Variants in EXOC4 observed in about 807,000 individuals in gnomAD.
EXOC4 encodes SEC8-like 1.
Under a neutral mutation model 107.2 loss-of-function variants are expected in EXOC4, and 71 were observed. The ratio of observed to expected loss-of-function variants is 0.66; its 90% confidence interval spans 0.55 to 0.81. EXOC4 has a LOEUF of 0.81. Ranked by LOEUF, EXOC4 falls within the 30% of genes least tolerant of loss-of-function variation. EXOC4 has a pLI of 0.00. For missense variants in EXOC4, 1,108 were observed against 1,189.6 expected (o/e 0.93, Z 1.01); for synonymous variants, 456 against 441.2 (o/e 1.03, Z -0.42).
At chr7:133,716,073 A>G (rs1205011004) in intron 10 of EXOC4, among the ~76,000 whole-genome samples, 4 of 152,340 alleles carry the variant, frequency 2.6e-5, no homozygotes, top group African/African-American at 9.6e-5. Context: ...TTAAATTATT[A>G]AAGTCAAATA....
chr7:134,056,626 T>C (rs1795931135), intron 17 of EXOC4, among the ~76,000 whole-genome samples: 1 of 152,252 alleles, frequency 6.6e-6, no homozygotes, highest in Admixed American at 6.5e-5. Context: ...TTAATTGTAC[T>C]GAATTTAAAA....
chr7:133,924,857 A>G (rs1800016381), intron 13 of EXOC4, among the ~76,000 whole-genome samples: 1 of 152,242 alleles, frequency 6.6e-6, no homozygotes, highest in African/African-American at 2.4e-5. Context: ...TTTTGCATGT[A>G]GAGATGGCTT....
At chr7:133,648,017 G>T (rs1327902078) in intron 10 of EXOC4, among the ~76,000 whole-genome samples, 1 of 152,150 alleles carries the variant, frequency 6.6e-6, no homozygotes, top group Non-Finnish European at 1.5e-5. Flanking sequence ...TAAGAATCTA[G>T]AAATAGTTGG....
intron 11 of EXOC4, among the ~76,000 whole-genome samples, chr7:133,884,696 AT>A (rs1224026640): frequency 6.6e-6 from 1 of 151,836 alleles, no homozygotes; most frequent in Admixed American, 6.6e-5. Flanking sequence ...AGAACCTTAG[AT>A]TCTTAGCAGC....
chr7:133,476,252 G>T (rs773032128), intron 8 of EXOC4, among the ~76,000 whole-genome samples: 11 of 152,034 alleles, frequency 7.2e-5, no homozygotes, highest in Non-Finnish European at 1.3e-4. Flanking sequence ...TTATAGGCAA[G>T]GGTTGTATTT....
intron 13 of EXOC4, among the ~76,000 whole-genome samples, chr7:133,922,265 G>A (rs909566592): frequency 1.3e-5 from 2 of 152,108 alleles, no homozygotes; most frequent in African/African-American, 4.8e-5. Flanking sequence ...CAGAACTTTA[G>A]CAATAAGAAC....
At chr7:133,955,418 T>A (rs1325957491) in intron 14 of EXOC4, among the ~76,000 whole-genome samples, 4 of 152,136 alleles carry the variant, frequency 2.6e-5, no homozygotes, top group African/African-American at 9.7e-5. Flanking sequence ...CTGGAGTGGG[T>A]AGCTCCTCTC....
At chr7:133,629,639 C>T (rs1802540833) in intron 9 of EXOC4, among the ~76,000 whole-genome samples, 1 of 152,024 alleles carries the variant, frequency 6.6e-6, no homozygotes, top group Admixed American at 6.6e-5. Flanking sequence ...CTCCCAGGTT[C>T]AAGCAATTCT....
At chr7:134,038,171 G>A (rs779513545) in intron 17 of EXOC4, among the ~76,000 whole-genome samples, 2 of 152,194 alleles carry the variant, frequency 1.3e-5, no homozygotes, top group Non-Finnish European at 2.9e-5. Flanking sequence ...AGCATATCTG[G>A]CAGATGGGAA....
intron 7 of EXOC4, among the ~76,000 whole-genome samples, chr7:133,379,149 C>T (rs990236979): frequency 2.0e-5 from 3 of 152,062 alleles, no homozygotes; most frequent in Admixed American, 2.0e-4. Flanking sequence ...TATGGACACA[C>T]ACATGCATTT....
intron 11 of EXOC4, among the ~76,000 whole-genome samples, chr7:133,833,078 A>G (rs1028995477): frequency 6.6e-6 from 1 of 152,156 alleles, no homozygotes; most frequent in Non-Finnish European, 1.5e-5. Context: ...ACACACACAT[A>G]CACACCCCAA....
chr7:133,275,079 A>G lies in EXOC4; in HGVS notation c.184A>G (p.Ile62Val). 1.9e-6 allele frequency: 3 copies of G among 1,613,908 alleles called. No homozygotes were observed. Among genetic ancestry groups the G allele is most frequent in the South Asian group, 1.1e-5 (1 of 91,054 alleles). Residue 62 changes from isoleucine to valine, a missense_variant, in exon 2 of 18, where the codon ATT (isoleucine) becomes GTT (valine). Physicochemically the swap from Ile to Val is conservative, Grantham distance 29 (BLOSUM62 3). Coordinates refer to ENST00000253861, the MANE Select transcript of EXOC4 (RefSeq NM_021807.4). ...EKCDRDLDEL[I>V]VQHYTELTTA... is the part of the protein sequence containing the mutation. ...ATGTGACCGTGACCTGGATGAATTG[A>G]TTGTACAGCACTACACAGAATTGAC...
Position 133,976,179 on chromosome 7 carries a change from C to T in EXOC4, c.2207-21313C>T, listed in dbSNP as rs369771796. ...AATGCAGTGTGTGGCTATGTTTAGGCACAAAGAGAACATCAAACAGATAGG... is the reference window on the plus strand; with the variant it reads ...AATGCAGTGTGTGGCTATGTTTAGGTACAAAGAGAACATCAAACAGATAGG... On this transcript the variant is annotated intron_variant, in intron 14 of 17. Transcript: ENST00000253861. Among the ~76,000 whole-genome samples, 38 of 152,176 alleles carry T rather than the reference C, an allele frequency of 2.5e-4. No homozygotes were observed. In the East Asian group the frequency reaches 3.1e-3, roughly 12 times the overall value.
chr7:133,846,053 C>A (rs73724787), intron 11 of EXOC4, among the ~76,000 whole-genome samples: 19,373 of 151,538 alleles, frequency 0.13, 1,802 homozygotes, highest in African/African-American at 0.26. Flanking sequence ...TTATACCCCC[C>A]AAAAAAAAGT....
At chr7:133,749,663 G>A (rs1795749976) in intron 10 of EXOC4, among the ~76,000 whole-genome samples, 1 of 152,108 alleles carries the variant, frequency 6.6e-6, no homozygotes. Context: ...TAAAGTGCTG[G>A]GATTACAGGC....
intron 5 of EXOC4, among the ~76,000 whole-genome samples, chr7:133,345,121 G>A (rs927777149): frequency 1.3e-5 from 2 of 152,128 alleles, no homozygotes; most frequent in African/African-American, 4.8e-5. Context: ...TGTTTTAAAA[G>A]TGCATTTTTA....
At chr7:133,576,547 A>G (rs954568676) in intron 9 of EXOC4, 22 of 1,289,512 alleles carry the variant, frequency 1.7e-5, no homozygotes, top group Non-Finnish European at 2.2e-5. Context: ...GCAAAACCAA[A>G]ATGAGCAAAG....
At chr7:133,991,538 G>A (rs972097833) in intron 14 of EXOC4, among the ~76,000 whole-genome samples, 4 of 152,028 alleles carry the variant, frequency 2.6e-5, no homozygotes, top group African/African-American at 9.7e-5. Flanking sequence ...TCAATGTCCT[G>A]TAGCATTTCC....
chr7:133,718,897 G>C (rs1032172928), intron 10 of EXOC4, among the ~76,000 whole-genome samples: 1 of 152,132 alleles, frequency 6.6e-6, no homozygotes, highest in Non-Finnish European at 1.5e-5. Context: ...ATTCTAGGGA[G>C]AATAGACTGG....
Sources: gnomAD v4.1 joint callset for allele counts (sites outside exome capture counted in the v4.1 genomes callset) on GRCh38, gnomAD v4.1.1 for gene constraint, MANE v1.5 for transcripts, NCBI Gene and HGNC (gene_info 2026-07-23, HGNC 2026-07-21) for gene names.